The following PHF20 variants were observed in gnomAD, a reference collection of about 807,000 sequenced individuals.
PHF20 encodes the protein PHD finger protein 20, also known as glioma-expressed antigen 2.
PHF20 carries 23 observed loss-of-function variants against 113.5 expected under a neutral mutation model. That is an observed-to-expected ratio of 0.20 (90% CI 0.15 to 0.29). The LOEUF is 0.29. PHF20 is among the 10% of genes least tolerant of loss of function. PHF20 has a pLI of 1.00. For missense variants in PHF20, 943 were observed against 1,219.6 expected, an observed-to-expected ratio of 0.77 and a Z score of 3.38; for synonymous variants, 434 against 457.3, an observed-to-expected ratio of 0.95 and a Z score of 0.65.
chr20:35,865,197 A>G (rs2054292896), intron 6 of PHF20, among the ~76,000 whole-genome samples: 1 of 151,920 alleles, frequency 6.6e-6, no homozygotes, highest in Non-Finnish European at 1.5e-5. Flanking sequence ...AATTGATTCC[A>G]TGTTGAAATG....
intron 3 of PHF20, chr20:35,845,353 A>G: frequency 2.7e-6 from 1 of 368,426 alleles, no homozygotes; most frequent in Non-Finnish European, 5.6e-6. Context: ...TGCTGCACCC[A>G]TTAACTCATC....
chr20:35,804,229 GTTTTTTTTTT>G (rs1216930263), intron 2 of PHF20, among the ~76,000 whole-genome samples: 1 of 99,584 alleles, frequency 1.0e-5, no homozygotes, highest in Non-Finnish European at 1.9e-5. Context: ...GCTACTGTAT[GTTTTTTTTTT>G]TTTTTTTTTT....
intron 1 of PHF20, among the ~76,000 whole-genome samples, chr20:35,785,212 G>A (rs370434760): frequency 6.6e-6 from 1 of 152,104 alleles, no homozygotes. Context: ...TGAGATGTTT[G>A]TCAAGGATTT....
intron 9 of PHF20, among the ~76,000 whole-genome samples, chr20:35,873,466 G>GTTTTTTT (rs759056358): frequency 4.9e-5 from 4 of 82,362 alleles, no homozygotes; most frequent in African/African-American, 1.0e-4. Flanking sequence ...CTGTTTTTTT[G>GTTTTTTT]TTTTTTTTTT....
chr20:35,819,117 G>A (rs1411926429), intron 2 of PHF20, among the ~76,000 whole-genome samples: 1 of 152,038 alleles, frequency 6.6e-6, no homozygotes, highest in Non-Finnish European at 1.5e-5. Flanking sequence ...TTTTAGTAGA[G>A]ACATGGTTTC....
At position 35,863,276 on chromosome 20, in the gene PHF20, CAGAG is replaced by C; in HGVS notation, c.687_690del (p.Arg229SerfsTer17). On this transcript the variant is annotated frameshift_variant, in exon 6 of 18. Transcript: ENST00000374012. LOFTEE classifies it high-confidence loss of function. ...ACAAGGAAAACATTTCCGAAAATGA[CAGAG>C]AGTATTCTGGAGATGCCCAAGTGGA... 1 of 1,614,146 alleles carries C rather than the reference CAGAG, an allele frequency of 6.2e-7. No individual in the cohort carries two copies. The highest frequency in any genetic ancestry group is 8.5e-7 in the Non-Finnish European group (1 of 1,180,014).
intron 1 of PHF20, among the ~76,000 whole-genome samples, chr20:35,791,019 C>G (rs1205869977): frequency 6.6e-6 from 1 of 151,990 alleles, no homozygotes; most frequent in Admixed American, 6.6e-5. Context: ...CCACCATGCC[C>G]GGCTAATTTT....
intron 2 of PHF20, among the ~76,000 whole-genome samples, chr20:35,825,516 C>T (rs2042244959): frequency 6.6e-6 from 1 of 152,196 alleles, no homozygotes; most frequent in African/African-American, 2.4e-5. Context: ...GCCTCGGCCT[C>T]CCAAAGCACT....
chr20:35,936,555 AG>A (rs2055868826), intron 15 of PHF20, among the ~76,000 whole-genome samples: 1 of 152,244 alleles, frequency 6.6e-6, no homozygotes, highest in East Asian at 1.9e-4. Flanking sequence ...GGCCCTAAAA[AG>A]GATAAGAATC....
intron 2 of PHF20, among the ~76,000 whole-genome samples, chr20:35,815,525 G>A (rs1305182965): frequency 6.6e-6 from 1 of 151,998 alleles, no homozygotes; most frequent in Non-Finnish European, 1.5e-5. Flanking sequence ...AGTGTAGCGC[G>A]AGTGATCTCA....
intron 13 of PHF20, among the ~76,000 whole-genome samples, chr20:35,919,178 G>A (rs1006073992): frequency 6.6e-6 from 1 of 151,774 alleles, no homozygotes; most frequent in Admixed American, 6.6e-5. Flanking sequence ...TACCACGCCC[G>A]GCTAATTTTT....
At chr20:35,901,232 T>C (rs2055089364) in intron 10 of PHF20, among the ~76,000 whole-genome samples, 3 of 152,018 alleles carry the variant, frequency 2.0e-5, no homozygotes, top group Admixed American at 2.0e-4. Flanking sequence ...CTGGCCAATA[T>C]GATGAAACCC....
chr20:35,864,120 C>A (rs1407630113), intron 6 of PHF20, among the ~76,000 whole-genome samples: 1 of 152,086 alleles, frequency 6.6e-6, no homozygotes, highest in Non-Finnish European at 1.5e-5. Flanking sequence ...CTGGACTGAG[C>A]CTGCCATTGA....
chr20:35,881,070 T>TTTTTTTTTTTTTTC (rs1491351439), intron 9 of PHF20, among the ~76,000 whole-genome samples: 1 of 145,272 alleles, frequency 6.9e-6, no homozygotes, highest in African/African-American at 2.6e-5. Context: ...TTTTTTTTTT[T>TTTTTTTTTTTTTTC]CTGAGACGGA....
intron 13 of PHF20, among the ~76,000 whole-genome samples, chr20:35,920,528 A>G (rs956972609): frequency 6.6e-6 from 1 of 152,232 alleles, no homozygotes; most frequent in Non-Finnish European, 1.5e-5. Flanking sequence ...GATTTCTTTC[A>G]TTGTTGTAGA....
chr20:35,897,559 CTT>C (rs150122625), intron 9 of PHF20, among the ~76,000 whole-genome samples: 4,696 of 107,362 alleles, frequency 0.044, 32 homozygotes, highest in African/African-American at 0.11. Flanking sequence ...TTCTGGATCC[CTT>C]TTTTTTTTTT....
chr20:35,942,546 C>T (rs556994600), intron 17 of PHF20, among the ~76,000 whole-genome samples: 1 of 152,264 alleles, frequency 6.6e-6, no homozygotes, highest in East Asian at 1.9e-4. Context: ...CCTCTCTAGC[C>T]CTGCCGAATG....
intron 9 of PHF20, among the ~76,000 whole-genome samples, chr20:35,898,303 T>C (rs983141149): frequency 3.3e-5 from 5 of 152,218 alleles, no homozygotes; most frequent in Non-Finnish European, 7.4e-5. Flanking sequence ...TAAAATCTCT[T>C]AGGTTTCATA....
At position 35,886,612 on chromosome 20, in the gene PHF20, A is replaced by G. The variant is rs376981995; in HGVS notation, c.1283-12758A>G. 3.9e-5 allele frequency among the ~76,000 whole-genome samples: 6 copies of G among 152,348 alleles called. No homozygotes were observed. The East Asian group carries it at 1.2e-3, about 29-fold the overall frequency. On this transcript the variant is annotated intron_variant, in intron 9 of 17. Transcript: ENST00000374012. The stretch of plus-strand genomic sequence containing the variant: ...TTGGGCCTTGGTCCTGAGGGAACAC[A>G]TGACAATGAGAAGTGGCTCTTTTCC...
Sources: allele counts gnomAD v4.1 joint callset (sites outside exome capture counted in the v4.1 genomes callset), GRCh38; gene constraint gnomAD v4.1.1; transcripts MANE v1.5; gene names NCBI Gene and HGNC (gene_info 2026-07-23, HGNC 2026-07-21).